ATP10B: variants seen among roughly 807,000 people sequenced by gnomAD.
ATP10B encodes phospholipid-transporting ATPase VB.
ATP10B carries 122 observed loss-of-function variants against 141.2 expected under a neutral mutation model. The ratio of observed to expected loss-of-function variants is 0.86; its 90% CI spans 0.75 to 1.00. ATP10B has a LOEUF of 1.00. ATP10B is among the 50% of genes least tolerant of loss of function. ATP10B has a pLI of 0.00. For synonymous variants in ATP10B, 685 were observed against 692.0 expected, an observed-to-expected ratio of 0.99 and a Z score of 0.16; for missense variants, 1,876 against 1,825.3, an observed-to-expected ratio of 1.03 and a Z score of -0.51.
At chr5:160,611,383 CA>C in intron 18 of ATP10B, among the ~76,000 whole-genome samples, 1 of 152,248 alleles carries the variant, frequency 6.6e-6, no homozygotes, top group Non-Finnish European at 1.5e-5. Context: ...GTGAAAGAAT[CA>C]TTGCAAACCG....
rs1326668369 is a variant in ATP10B at position 160,725,018 on chromosome 5, C to T, written c.-330-7984G>A. On this transcript the variant is annotated intron_variant, in intron 2 of 25. Coordinates refer to ENST00000327245, the MANE Select transcript of ATP10B (RefSeq NM_025153.3). ...TTGTTCATTGCTTTTTCCAGAAAGC[C>T]TAGAATAGTTCCTTGTATGTAGGAA... is the stretch of plus-strand genomic sequence containing the variant. Among the ~76,000 whole-genome samples the T allele has an allele frequency of 2.0e-5, 3 of 152,064 alleles. No individual in the cohort carries two copies. The East Asian group carries it at 5.8e-4, about 29-fold the overall frequency.
At chr5:160,589,994 C>T (rs933473081) in intron 23 of ATP10B, among the ~76,000 whole-genome samples, 34 of 152,182 alleles carry the variant, frequency 2.2e-4, no homozygotes, top group African/African-American at 8.0e-4. Context: ...GCTGAGGATA[C>T]TTCTGTGTTT....
chr5:160,758,293 A>G (rs2127834786), intron 2 of ATP10B, among the ~76,000 whole-genome samples: 1 of 152,266 alleles, frequency 6.6e-6, no homozygotes. Flanking sequence ...ACTTGAGTAT[A>G]TAACAATGCC....
intron 2 of ATP10B, among the ~76,000 whole-genome samples, chr5:160,737,198 T>C (rs1446134886): frequency 6.6e-6 from 1 of 152,158 alleles, no homozygotes; most frequent in Non-Finnish European, 1.5e-5. Flanking sequence ...TTTGACAAAA[T>C]TCAACATCCA....
chr5:160,603,864 T>A, intron 20 of ATP10B, 101 bp downstream of exon 20: 3 of 945,754 alleles, frequency 3.2e-6, no homozygotes, highest in Non-Finnish European at 5.1e-6. Flanking sequence ...ACTTTGGATG[T>A]GGGTGGAAGT....
intron 7 of ATP10B, among the ~76,000 whole-genome samples, 170 bp downstream of exon 7, chr5:160,670,293 A>G (rs1762592991): frequency 1.3e-5 from 2 of 152,198 alleles, no homozygotes; most frequent in Non-Finnish European, 2.9e-5. Flanking sequence ...TATGCAGATA[A>G]TATCCATCTC....
chr5:160,722,156 T>C (rs1766040433), intron 2 of ATP10B, among the ~76,000 whole-genome samples: 1 of 152,244 alleles, frequency 6.6e-6, no homozygotes, highest in African/African-American at 2.4e-5. Flanking sequence ...GCCCACGGGT[T>C]CTTATGAGTC....
chr5:160,908,776 T>A, the ATP10B span, among the ~76,000 whole-genome samples: 1 of 152,290 alleles, frequency 6.6e-6, no homozygotes, highest in Admixed American at 6.5e-5. Context: ...ATTCCATCCA[T>A]CTTCATTCCT....
At chr5:160,727,950 A>C (rs1766474016) in intron 2 of ATP10B, among the ~76,000 whole-genome samples, 1 of 152,200 alleles carries the variant, frequency 6.6e-6, no homozygotes, top group Non-Finnish European at 1.5e-5. Flanking sequence ...TTAGGTCTAC[A>C]ATCTAAGTCT....
chr5:160,890,553 G>A, the ATP10B span, among the ~76,000 whole-genome samples: 2 of 115,318 alleles, frequency 1.7e-5, no homozygotes, highest in South Asian at 2.4e-4. Flanking sequence ...GGCTCTTTGT[G>A]TCTGGCTTTC....
At chr5:160,880,273 A>G in the ATP10B span, among the ~76,000 whole-genome samples, 1 of 147,478 alleles carries the variant, frequency 6.8e-6, no homozygotes. Context: ...TATATAATAT[A>G]AAAGAAACTA....
chr5:160,797,221 C>T (rs186206148), intron 1 of ATP10B, among the ~76,000 whole-genome samples: 1 of 152,286 alleles, frequency 6.6e-6, no homozygotes, highest in Non-Finnish European at 1.5e-5. Context: ...ACCCACTGCA[C>T]GTGGCTCCAC....
At chr5:160,736,620 C>T (rs550754699) in intron 2 of ATP10B, among the ~76,000 whole-genome samples, 14 of 152,050 alleles carry the variant, frequency 9.2e-5, no homozygotes, top group Non-Finnish European at 1.9e-4. Context: ...ATTAGCCAGG[C>T]GTGGTGGCGT....
intron 3 of ATP10B, chr5:160,692,665 A>G (rs1320428981): frequency 6.6e-6 from 1 of 152,242 alleles, no homozygotes; most frequent in Non-Finnish European, 1.5e-5. Flanking sequence ...GACGCCAACC[A>G]GTTTGAAGAC....
intron 6 of ATP10B, among the ~76,000 whole-genome samples, chr5:160,682,478 C>T (rs944598047): frequency 6.6e-6 from 1 of 152,178 alleles, no homozygotes; most frequent in Non-Finnish European, 1.5e-5. Context: ...TTGGAAACAA[C>T]AACAGCAGCC....
chr5:160,623,149 C>T (rs971270221), intron 13 of ATP10B, among the ~76,000 whole-genome samples: 1 of 152,216 alleles, frequency 6.6e-6, no homozygotes, highest in African/African-American at 2.4e-5. Context: ...ATGTATACTC[C>T]TGTATTCCTC....
chr5:160,880,039 T>C, the ATP10B span, among the ~76,000 whole-genome samples: 2 of 151,476 alleles, frequency 1.3e-5, no homozygotes, highest in Non-Finnish European at 2.9e-5. Flanking sequence ...TGTATAAATC[T>C]AATATAAATC....
chr5:160,814,527 A>G (rs1288476013), intron 1 of ATP10B, among the ~76,000 whole-genome samples: 1 of 148,026 alleles, frequency 6.8e-6, no homozygotes, highest in Non-Finnish European at 1.5e-5. Context: ...CCTGAAAGTG[A>G]CGGGGAGAAC....
At chr5:160,687,643 TG>T (rs1351308729) in intron 5 of ATP10B, among the ~76,000 whole-genome samples, 156 bp downstream of exon 5, 3 of 152,118 alleles carry the variant, frequency 2.0e-5, no homozygotes, top group African/African-American at 7.2e-5. Flanking sequence ...TGCACGCCTG[TG>T]GTCCCAGCTA....
Sources: gnomAD v4.1 joint callset for allele counts (sites outside exome capture counted in the v4.1 genomes callset) on GRCh38, gnomAD v4.1.1 for gene constraint, MANE v1.5 for transcripts, NCBI Gene and HGNC (gene_info 2026-07-23, HGNC 2026-07-21) for gene names.